The following C8orf88 variants were observed in gnomAD, a reference collection of about 807,000 sequenced individuals.
The protein encoded by C8orf88 is chromosome 8 open reading frame 88.
C8orf88 carries 14 observed loss-of-function variants against 18.4 expected under a neutral mutation model. The observed-to-expected ratio is 0.76, with a 90% CI of 0.50 to 1.19. The LOEUF (loss-of-function observed/expected upper bound fraction) is 1.19. C8orf88 is among the 50% of genes most tolerant of loss of function. The pLI is 0.00. For missense variants in C8orf88, 116 were observed against 134.7 expected, an observed-to-expected ratio of 0.86 and a Z score of 0.69; for synonymous variants, 45 against 42.9, an observed-to-expected ratio of 1.05 and a Z score of -0.19.
chr8:90,964,169 A>G (rs554866935), intron 4 of C8orf88, among the ~76,000 whole-genome samples: 11 of 151,782 alleles, frequency 7.2e-5, no homozygotes, highest in Admixed American at 2.6e-4. Context: ...TTGGGAAGTA[A>G]TCCCACCATA....
At chr8:90,961,652 A>G (rs1340305851) in intron 4 of C8orf88, among the ~76,000 whole-genome samples, 1 of 151,464 alleles carries the variant, frequency 6.6e-6, no homozygotes, top group Non-Finnish European at 1.5e-5. Context: ...TGGAAACTTT[A>G]CTGTTCAGAA....
At chr8:90,965,286 A>G (rs1811178616) in intron 4 of C8orf88, among the ~76,000 whole-genome samples, 1 of 151,824 alleles carries the variant, frequency 6.6e-6, no homozygotes, top group Admixed American at 6.6e-5. Context: ...GAGACAATGG[A>G]CATTTATGCC....
At chr8:90,982,969 G>C (rs1343478119) in intron 1 of C8orf88, among the ~76,000 whole-genome samples, 1 of 152,086 alleles carries the variant, frequency 6.6e-6, no homozygotes. Context: ...TCTCAGTTTA[G>C]TTAAAAATAA....
chr8:90,985,077 C>A (rs1247847249), intron 1 of C8orf88, 37 bp downstream of exon 1: 3 of 152,272 alleles, frequency 2.0e-5, no homozygotes, highest in Non-Finnish European at 4.4e-5. Context: ...GCCCGACTTC[C>A]GTCCCCCAGT....
chr8:90,963,624 A>C (rs1811157373), intron 4 of C8orf88, among the ~76,000 whole-genome samples: 1 of 151,786 alleles, frequency 6.6e-6, no homozygotes, highest in Non-Finnish European at 1.5e-5. Context: ...GATGGAACTT[A>C]TAAGAAGAAG....
chr8:90,970,005 G>C (rs1438984758), intron 4 of C8orf88, among the ~76,000 whole-genome samples: 1 of 151,876 alleles, frequency 6.6e-6, no homozygotes, highest in East Asian at 1.9e-4. Context: ...TATAAAACAA[G>C]TGTGACAGAG....
intron 3 of C8orf88, among the ~76,000 whole-genome samples, chr8:90,974,566 T>C (rs1423218112): frequency 2.0e-5 from 3 of 152,096 alleles, no homozygotes; most frequent in Non-Finnish European, 2.9e-5. Flanking sequence ...CAGGAGACCA[T>C]GAAAGATAAA....
intron 3 of C8orf88, among the ~76,000 whole-genome samples, chr8:90,973,588 TC>T (rs1811311043): frequency 6.6e-6 from 1 of 152,040 alleles, no homozygotes; most frequent in South Asian, 2.1e-4. Flanking sequence ...ACTCAAGTCA[TC>T]CTCCCAACTC....
At chr8:90,965,813 T>C (rs192294026) in intron 4 of C8orf88, among the ~76,000 whole-genome samples, 11 of 151,900 alleles carry the variant, frequency 7.2e-5, no homozygotes, top group Non-Finnish European at 1.3e-4. Flanking sequence ...AACAGGGGAC[T>C]TAGAAAATAT....
At position 90,968,574 on chromosome 8, in the gene C8orf88, A is replaced by C. The variant is rs190449526; in HGVS notation, c.223+2492T>G. Among the ~76,000 whole-genome samples, 27 of 148,604 alleles carry C rather than the reference A, an allele frequency of 1.8e-4. No homozygotes were observed. In the East Asian group the frequency reaches 5.3e-3, roughly 29 times the overall value. On this transcript the variant is annotated intron_variant, in intron 4 of 5. Coordinates refer to ENST00000517562, the MANE Select transcript of C8orf88 (RefSeq NM_001190972.2). ...GAGCAACAAAAGGAAAAATAGTTAA[A>C]ATTCATCGAAGCTAAAAAATTTGTG...
chr8:90,978,324 T>A (rs1284636415), intron 3 of C8orf88, among the ~76,000 whole-genome samples: 1 of 152,154 alleles, frequency 6.6e-6, no homozygotes, highest in African/African-American at 2.4e-5. Context: ...GGAAATACGA[T>A]GGTAGAAGCA....
chr8:90,980,339 AG>A (rs1563555958), intron 2 of C8orf88, 23 bp downstream of exon 2: 1 of 1,433,234 alleles, frequency 7.0e-7, no homozygotes, highest in Admixed American at 2.7e-5. Context: ...TAATATTTAA[AG>A]AACTGTACAA....
intron 4 of C8orf88, among the ~76,000 whole-genome samples, chr8:90,968,657 C>CATATATATAT (rs34558575): frequency 0.025 from 1,793 of 72,690 alleles, 181 homozygotes; most frequent in African/African-American, 0.063. Flanking sequence ...GAAAAGACAA[C>CATATATATAT]ATATATATAT....
intron 4 of C8orf88, among the ~76,000 whole-genome samples, chr8:90,967,421 C>A (rs961378674): frequency 6.6e-6 from 1 of 151,714 alleles, no homozygotes; most frequent in Non-Finnish European, 1.5e-5. Context: ...TAATACTGGC[C>A]TCACTGGAAG....
At chr8:90,959,542 T>C (rs1811095206) in intron 5 of C8orf88, 1 of 151,540 alleles carries the variant, frequency 6.6e-6, no homozygotes, top group African/African-American at 2.4e-5. Flanking sequence ...TTAATATTTA[T>C]GCATGAGAAG....
intron 1 of C8orf88, among the ~76,000 whole-genome samples, chr8:90,984,824 C>A (rs924961949): frequency 6.6e-6 from 1 of 152,218 alleles, no homozygotes; most frequent in Non-Finnish European, 1.5e-5. Context: ...GTACTTAGCT[C>A]CTTTTTTGGC....
In C8orf88 at chr8:90,975,958, T is replaced by C. The variant is rs143006700; in HGVS notation, c.147+2621A>G. On this transcript the variant is annotated intron_variant, in intron 3 of 5. Transcript: ENST00000517562. Reference sequence around the variant, plus strand: ...AAAAAAAAAAACAACTACTGATATATACAACATGAAAGGATCTCATAAACA... The same window carrying C: ...AAAAAAAAAAACAACTACTGATATACACAACATGAAAGGATCTCATAAACA... Among the ~76,000 whole-genome samples, 542 of 149,954 alleles carry C rather than the reference T, an allele frequency of 3.6e-3. 3 individuals carry two copies. Among genetic ancestry groups the C allele is most frequent in the Non-Finnish European group, 5.9e-3 (397 of 67,532 alleles).
intron 4 of C8orf88, among the ~76,000 whole-genome samples, chr8:90,969,254 C>T (rs1412918057): frequency 1.3e-5 from 2 of 151,716 alleles, no homozygotes; most frequent in Non-Finnish European, 2.9e-5. Context: ...CAAAATGTGG[C>T]ATAATCCACA....
At chr8:90,982,877 G>T (rs1811453734) in intron 1 of C8orf88, among the ~76,000 whole-genome samples, 1 of 152,044 alleles carries the variant, frequency 6.6e-6, no homozygotes, top group South Asian at 2.1e-4. Flanking sequence ...AAAAGGTTAA[G>T]TATTTATAAA....
Sources: gnomAD v4.1 joint callset for allele counts (sites outside exome capture counted in the v4.1 genomes callset) on GRCh38, gnomAD v4.1.1 for gene constraint, MANE v1.5 for transcripts, NCBI Gene and HGNC (gene_info 2026-07-23, HGNC 2026-07-21) for gene names.